Variants in SGCZ observed in about 807,000 individuals in gnomAD.
SGCZ encodes the protein sarcoglycan zeta.
Under a neutral mutation model 41.3 loss-of-function variants are expected in SGCZ, and 40 were observed. The observed-to-expected ratio is 0.97, with a 90% confidence interval of 0.75 to 1.26. The LOEUF (loss-of-function observed/expected upper bound fraction) is 1.26. Among genes scored for constraint, SGCZ ranks in the 50% most tolerant of loss-of-function variants. The pLI is 0.00. For missense variants in SGCZ, 552 were observed against 369.8 expected, an observed-to-expected ratio of 1.49 and a Z score of -4.04; for synonymous variants, 206 against 137.5, an observed-to-expected ratio of 1.50 and a Z score of -3.49.
intron 1 of SGCZ, among the ~76,000 whole-genome samples, chr8:15,229,700 C>CT (rs1424255931): frequency 6.6e-6 from 1 of 152,156 alleles, no homozygotes; most frequent in African/African-American, 2.4e-5. Context: ...CTCAAATACT[C>CT]TGAGTAAACA....
At chr8:15,151,342 G>A (rs75901323) in intron 1 of SGCZ, among the ~76,000 whole-genome samples, 2 of 152,174 alleles carry the variant, frequency 1.3e-5, no homozygotes, top group African/African-American at 4.8e-5. Context: ...ATAAGTATTT[G>A]TTGTTCAAGC....
chr8:14,629,794 A>C (rs1806586759), intron 1 of SGCZ, among the ~76,000 whole-genome samples: 1 of 152,104 alleles, frequency 6.6e-6, no homozygotes, highest in African/African-American at 2.4e-5. Context: ...GTTAACTATT[A>C]ATATGTAAAA....
chr8:14,636,695 T>C (rs1356031814), intron 1 of SGCZ, among the ~76,000 whole-genome samples: 1 of 151,758 alleles, frequency 6.6e-6, no homozygotes, highest in Non-Finnish European at 1.5e-5. Flanking sequence ...AAGGCATATA[T>C]AGAAAGGTAA....
chr8:15,014,941 G>T (rs192780569), intron 1 of SGCZ, among the ~76,000 whole-genome samples: 1 of 152,148 alleles, frequency 6.6e-6, no homozygotes, highest in Non-Finnish European at 1.5e-5. Flanking sequence ...CTCATTAGGG[G>T]CCTCAAATTT....
intron 2 of SGCZ, among the ~76,000 whole-genome samples, chr8:14,490,209 T>C (rs369133702): frequency 6.6e-6 from 1 of 152,110 alleles, no homozygotes; most frequent in Non-Finnish European, 1.5e-5. Flanking sequence ...AACTTTTACA[T>C]GGTACAATAA....
intron 2 of SGCZ, among the ~76,000 whole-genome samples, chr8:14,459,294 T>C (rs1230899930): frequency 6.6e-6 from 1 of 152,114 alleles, no homozygotes; most frequent in Admixed American, 6.5e-5. Flanking sequence ...GGAGGGATAG[T>C]ATTAGGAGAT....
chr8:14,559,002 G>A (rs548197617), intron 1 of SGCZ, among the ~76,000 whole-genome samples: 1 of 152,142 alleles, frequency 6.6e-6, no homozygotes, highest in South Asian at 2.1e-4. Context: ...AGCCATCTAT[G>A]ACAAACCCTC....
At chr8:14,891,247 C>T (rs1805005264) in intron 1 of SGCZ, among the ~76,000 whole-genome samples, 1 of 152,110 alleles carries the variant, frequency 6.6e-6, no homozygotes, top group Admixed American at 6.6e-5. Context: ...AAACTGAAAA[C>T]CTTCTGGAAA....
chr8:14,632,444 A>G (rs781514448), intron 1 of SGCZ, among the ~76,000 whole-genome samples: 1 of 152,150 alleles, frequency 6.6e-6, no homozygotes, highest in East Asian at 1.9e-4. Flanking sequence ...TGAGGGGTTT[A>G]TCATTTATTA....
chr8:14,346,411 T>C (rs761791678), intron 2 of SGCZ, among the ~76,000 whole-genome samples: 1 of 152,042 alleles, frequency 6.6e-6, no homozygotes, highest in Non-Finnish European at 1.5e-5. Context: ...TTAATTCACT[T>C]TGAGTGATTT....
chr8:14,872,378 T>C (rs1018356721), intron 1 of SGCZ, among the ~76,000 whole-genome samples: 7 of 152,098 alleles, frequency 4.6e-5, no homozygotes, highest in African/African-American at 1.7e-4. Flanking sequence ...TCACAAATAA[T>C]CAAAATTATT....
intron 2 of SGCZ, among the ~76,000 whole-genome samples, chr8:14,392,698 C>T (rs1048321381): frequency 6.6e-6 from 1 of 152,166 alleles, no homozygotes; most frequent in South Asian, 2.1e-4. Context: ...AAAAACAGAA[C>T]AATTATTTTT....
chr8:14,137,918 G>T (rs970293642), intron 5 of SGCZ, among the ~76,000 whole-genome samples: 2 of 152,074 alleles, frequency 1.3e-5, no homozygotes, highest in Admixed American at 1.3e-4. Context: ...AAATATTAAG[G>T]GCAGCCAGAG....
intron 1 of SGCZ, among the ~76,000 whole-genome samples, chr8:15,057,899 A>C (rs540061302): frequency 6.6e-6 from 1 of 152,082 alleles, no homozygotes; most frequent in Admixed American, 6.6e-5. Flanking sequence ...GAATCTCATC[A>C]CCTAATCTGG....
chr8:15,183,438 T>C (rs1481378225), intron 1 of SGCZ, among the ~76,000 whole-genome samples: 1 of 152,242 alleles, frequency 6.6e-6, no homozygotes, highest in Non-Finnish European at 1.5e-5. Context: ...CACCATGGTA[T>C]ATGTGGTCCA....
At chr8:14,898,584 T>C (rs1466294311) in intron 1 of SGCZ, among the ~76,000 whole-genome samples, 1 of 152,196 alleles carries the variant, frequency 6.6e-6, no homozygotes, top group East Asian at 1.9e-4. Flanking sequence ...AAGATGGTTA[T>C]TGGACTTGGG....
chr8:15,076,216 G>A (rs1331059815), intron 1 of SGCZ, among the ~76,000 whole-genome samples: 1 of 152,080 alleles, frequency 6.6e-6, no homozygotes, highest in Non-Finnish European at 1.5e-5. Flanking sequence ...TTTTTGGCCA[G>A]TCTCAGAAAT....
chr8:14,394,651 G>A (rs1442235110), intron 2 of SGCZ, among the ~76,000 whole-genome samples: 1 of 152,090 alleles, frequency 6.6e-6, no homozygotes. Context: ...TAATCCGTGG[G>A]TGAAATGAAA....
chr8:15,002,739 A>G (rs1802471544), intron 1 of SGCZ, among the ~76,000 whole-genome samples: 1 of 152,214 alleles, frequency 6.6e-6, no homozygotes. Flanking sequence ...TCTCTCCTGC[A>G]TCTGCAAATA....
Sources: gnomAD v4.1 joint callset for allele counts (sites outside exome capture counted in the v4.1 genomes callset) on GRCh38, gnomAD v4.1.1 for gene constraint, MANE v1.5 for transcripts, NCBI Gene and HGNC (gene_info 2026-07-23, HGNC 2026-07-21) for gene names.